ATP9B: variants seen among roughly 807,000 people sequenced by gnomAD.
ATP9B encodes ATPase phospholipid transporting 9B.
Under a neutral mutation model 146.1 loss-of-function variants are expected in ATP9B, and 110 were observed. The ratio of observed to expected loss-of-function variants is 0.75; its 90% CI spans 0.65 to 0.88. ATP9B has a LOEUF of 0.88. Ranked by LOEUF, ATP9B falls within the 40% of genes least tolerant of loss-of-function variation. The pLI is 0.00. For missense variants in ATP9B, 1,499 were observed against 1,496.4 expected, an observed-to-expected ratio of 1.00 and a Z score of -0.03; for synonymous variants, 604 against 569.7, an observed-to-expected ratio of 1.06 and a Z score of -0.86.
intron 5 of ATP9B, among the ~76,000 whole-genome samples, chr18:79,142,768 T>C (rs1344817499): frequency 6.6e-6 from 1 of 152,214 alleles, no homozygotes; most frequent in African/African-American, 2.4e-5. Context: ...ACATAATGCA[T>C]ATAAAAGTTT....
intron 9 of ATP9B, among the ~76,000 whole-genome samples, chr18:79,206,655 A>C (rs1212409885): frequency 7.6e-6 from 1 of 132,088 alleles, no homozygotes; most frequent in African/African-American, 2.6e-5. Flanking sequence ...TAAATAAATA[A>C]ATAAATATTA....
At chr18:79,277,640 A>C (rs1477447584) in intron 13 of ATP9B, among the ~76,000 whole-genome samples, 1 of 152,204 alleles carries the variant, frequency 6.6e-6, no homozygotes, top group Non-Finnish European at 1.5e-5. Flanking sequence ...GCTTTACTAC[A>C]GACTATTTAT....
chr18:79,190,511 T>TATACACACAC (rs771014834), intron 8 of ATP9B, among the ~76,000 whole-genome samples: 1 of 143,550 alleles, frequency 7.0e-6, no homozygotes, highest in Non-Finnish European at 1.5e-5. Context: ...TTTTTATTTA[T>TATACACACAC]ACACACACAC....
At chr18:79,126,219 T>G in intron 4 of ATP9B, 48 bp from the exon 5 acceptor site, 1 of 1,486,332 alleles carries the variant, frequency 6.7e-7, no homozygotes. Context: ...AATTTTGTCT[T>G]TTTTGTTAAA....
intron 8 of ATP9B, among the ~76,000 whole-genome samples, chr18:79,191,486 A>G (rs2095366193): frequency 6.6e-6 from 1 of 152,056 alleles, no homozygotes; most frequent in African/African-American, 2.4e-5. Context: ...TATTCCCTTC[A>G]TGGTTCTATG....
intron 14 of ATP9B, among the ~76,000 whole-genome samples, chr18:79,304,032 G>A (rs944316266): frequency 1.4e-4 from 21 of 151,928 alleles, no homozygotes; most frequent in African/African-American, 4.8e-4. Context: ...ACATCAATAT[G>A]TTTTCTAACA....
intron 8 of ATP9B, among the ~76,000 whole-genome samples, chr18:79,190,330 A>G (rs1428318305): frequency 2.0e-5 from 3 of 152,186 alleles, no homozygotes; most frequent in East Asian, 3.9e-4. Flanking sequence ...TATGTGGTGT[A>G]TCTTCAAGGT....
At chr18:79,200,991 G>A (rs181821994) in intron 9 of ATP9B, among the ~76,000 whole-genome samples, 101 of 152,282 alleles carry the variant, frequency 6.6e-4, no homozygotes, top group African/African-American at 2.0e-3. Context: ...ATTTAGGAAC[G>A]GGAATGGCTT....
At chr18:79,085,623 T>G (rs778034595) in intron 1 of ATP9B, 2 of 152,224 alleles carry the variant, frequency 1.3e-5, no homozygotes, top group African/African-American at 4.8e-5. Flanking sequence ...TTTTTGTGTT[T>G]TAAGTGATAG....
chr18:79,142,458 G>C (rs149113920), intron 5 of ATP9B, among the ~76,000 whole-genome samples: 3 of 152,280 alleles, frequency 2.0e-5, no homozygotes, highest in Non-Finnish European at 4.4e-5. Context: ...GGAAAGAAGG[G>C]TGAATTGGAT....
intron 15 of ATP9B, among the ~76,000 whole-genome samples, chr18:79,320,514 G>A (rs115530191): frequency 2.5e-3 from 375 of 152,332 alleles, no homozygotes; most frequent in African/African-American, 8.8e-3. Context: ...CAGAGAATGG[G>A]TCTCTAACAA....
intron 8 of ATP9B, among the ~76,000 whole-genome samples, chr18:79,188,618 C>T (rs1236293057): frequency 6.6e-6 from 1 of 152,214 alleles, no homozygotes; most frequent in Non-Finnish European, 1.5e-5. Context: ...TACCTCTATT[C>T]TCCCATTTTG....
chr18:79,346,749 C>T (rs2096891037), intron 23 of ATP9B, among the ~76,000 whole-genome samples: 1 of 152,228 alleles, frequency 6.6e-6, no homozygotes, highest in South Asian at 2.1e-4. Flanking sequence ...ACACTCAGCA[C>T]ATACTCACCG....
At chr18:79,346,821 T>C (rs2096891589) in intron 23 of ATP9B, among the ~76,000 whole-genome samples, 1 of 152,244 alleles carries the variant, frequency 6.6e-6, no homozygotes, top group African/African-American at 2.4e-5. Flanking sequence ...ACACGTGTGG[T>C]CAGCACACAG....
rs138003617 is a variant in ATP9B, at chr18:79,345,442, C to A, written c.2487C>A (p.Tyr829Ter). 2 of 1,613,948 alleles carry A rather than the reference C, an allele frequency of 1.2e-6. No individual in the cohort carries two copies. The highest frequency in any genetic ancestry group is 1.3e-5 in the African/African-American group (1 of 74,940). The change falls in exon 22 of 30, where the codon TAC becomes TAA. Residue 829 changes from tyrosine (Y) to a stop codon, truncating the protein, a stop_gained. Coordinates refer to ENST00000426216, the MANE Select transcript of ATP9B (RefSeq NM_198531.5). LOFTEE classifies it high-confidence loss of function. ...TTGTTTTCCAGGTTTGTCTAAAGTA[C>A]TACGAGCATGAATTTGTGGAGCTGG... is the stretch of plus-strand genomic sequence containing the variant. ...SGDSLEVCLK[Y>*]YEHEFVELAC...
At chr18:79,373,508 T>TTTTA (rs1555889598) in intron 27 of ATP9B, among the ~76,000 whole-genome samples, 4 of 148,100 alleles carry the variant, frequency 2.7e-5, no homozygotes, top group Admixed American at 1.3e-4. Flanking sequence ...TTTTTTTTTT[T>TTTTA]AGACAGAGTC....
chr18:79,154,805 G>A (rs1441351895), intron 7 of ATP9B, among the ~76,000 whole-genome samples: 1 of 152,138 alleles, frequency 6.6e-6, no homozygotes, highest in Non-Finnish European at 1.5e-5. Context: ...TGATGATTTA[G>A]TATTTTCATA....
intron 25 of ATP9B, among the ~76,000 whole-genome samples, chr18:79,350,709 TAACG>T (rs767369199): frequency 2.0e-5 from 3 of 151,898 alleles, no homozygotes; most frequent in Non-Finnish European, 4.4e-5. Flanking sequence ...CAATAAGTGC[TAACG>T]CTTTTTAAAT....
intron 11 of ATP9B, 61 bp from the exon 12 acceptor site, chr18:79,253,320 G>A: frequency 6.8e-7 from 1 of 1,460,240 alleles, no homozygotes; most frequent in Non-Finnish European, 9.2e-7. Flanking sequence ...CATGCATTCT[G>A]ATTTATAATA....
Sources: gnomAD v4.1 joint callset for allele counts (sites outside exome capture counted in the v4.1 genomes callset) on GRCh38, gnomAD v4.1.1 for gene constraint, MANE v1.5 for transcripts, NCBI Gene and HGNC (gene_info 2026-07-23, HGNC 2026-07-21) for gene names.